ACBD6: variants seen among roughly 807,000 people sequenced by gnomAD.
ACBD6 encodes acyl-CoA binding domain containing 6, also known as acyl-CoA-binding domain-containing protein 6.
Under a neutral mutation model 37.2 loss-of-function variants are expected in ACBD6, and 28 were observed. The ratio of observed to expected loss-of-function variants is 0.75; its 90% CI spans 0.56 to 1.03. The LOEUF (loss-of-function observed/expected upper bound fraction) is 1.03. Among genes scored for constraint, ACBD6 ranks in the 50% least tolerant of loss-of-function variants. ACBD6 has a pLI of 0.00. For missense variants in ACBD6, 340 were observed against 337.4 expected (o/e 1.01, Z -0.06); for synonymous variants, 113 against 126.8 (o/e 0.89, Z 0.73).
chr1:180,305,695 A>G (rs372847677), intron 7 of ACBD6, among the ~76,000 whole-genome samples: 1 of 152,140 alleles, frequency 6.6e-6, no homozygotes, highest in Non-Finnish European at 1.5e-5. Flanking sequence ...TCAGTGTGGC[A>G]ATTCCTCAGG....
At chr1:180,416,499 TTG>T (rs1648101377) in intron 4 of ACBD6, among the ~76,000 whole-genome samples, 1 of 152,216 alleles carries the variant, frequency 6.6e-6, no homozygotes, top group Non-Finnish European at 1.5e-5. Flanking sequence ...TTCCCTCTCT[TTG>T]TGAATCTCAA....
At chr1:180,382,462 G>C (rs1653693442) in intron 6 of ACBD6, among the ~76,000 whole-genome samples, 1 of 152,172 alleles carries the variant, frequency 6.6e-6, no homozygotes, top group Non-Finnish European at 1.5e-5. Flanking sequence ...TAGAGAAAAT[G>C]GGTAACTTCC....
chr1:180,375,051 C>T (rs576859258), intron 6 of ACBD6, among the ~76,000 whole-genome samples: 47 of 152,152 alleles, frequency 3.1e-4, no homozygotes, highest in Non-Finnish European at 5.1e-4. Flanking sequence ...AAATTCAATG[C>T]AATCCCAATA....
At chr1:180,484,871 C>T (rs1002569083) in intron 3 of ACBD6, among the ~76,000 whole-genome samples, 6 of 151,922 alleles carry the variant, frequency 3.9e-5, no homozygotes, top group Non-Finnish European at 7.4e-5. Context: ...CAAGACCAGC[C>T]TGGCCAACAT....
chr1:180,435,832 C>T (rs1649015655), intron 3 of ACBD6: 4 of 1,078,812 alleles, frequency 3.7e-6, no homozygotes, highest in African/African-American at 1.6e-5. Context: ...GTTTAGGATA[C>T]ACTCAGACCC....
At chr1:180,311,961 T>G (rs1467116617) in intron 7 of ACBD6, among the ~76,000 whole-genome samples, 1 of 152,234 alleles carries the variant, frequency 6.6e-6, no homozygotes, top group Admixed American at 6.5e-5. Context: ...ATGTTGGAAG[T>G]CAGTCTCTGC....
intron 6 of ACBD6, among the ~76,000 whole-genome samples, chr1:180,377,254 A>G (rs1231663432): frequency 6.6e-6 from 1 of 152,214 alleles, no homozygotes; most frequent in Non-Finnish European, 1.5e-5. Flanking sequence ...ATTCTATACA[A>G]ATACAGATAC....
exon 14 of ACBD6, chr1:180,269,754 G>A (rs1648523706): frequency 6.6e-6 from 1 of 152,222 alleles, no homozygotes; most frequent in Non-Finnish European, 1.5e-5. Flanking sequence ...ACACTCCCGT[G>A]TAGACTATAA....
chr1:180,276,864 C>CTGTT (rs1245452455), intron 9 of ACBD6: 1 of 80,630 alleles, frequency 1.2e-5, no homozygotes, highest in Non-Finnish European at 2.7e-5. Context: ...CTGTGTAGCA[C>CTGTT]TGTTTAAGAT....
intron 8 of ACBD6, among the ~76,000 whole-genome samples, chr1:180,282,872 T>C (rs1045483569): frequency 2.0e-5 from 3 of 152,046 alleles, no homozygotes; most frequent in East Asian, 1.9e-4. Flanking sequence ...TCTGTATCGG[T>C]AGTTAAAGGC....
intron 7 of ACBD6, among the ~76,000 whole-genome samples, chr1:180,311,886 T>C (rs889819039): frequency 1.3e-5 from 2 of 152,228 alleles, no homozygotes; most frequent in African/African-American, 4.8e-5. Flanking sequence ...TAAATGTCTG[T>C]AGTTCCAAAA....
intron 5 of ACBD6, among the ~76,000 whole-genome samples, chr1:180,407,358 T>A (rs535279936): frequency 3.3e-5 from 5 of 152,340 alleles, no homozygotes; most frequent in Admixed American, 2.0e-4. Flanking sequence ...CAGCACTACA[T>A]CAAAGTAACA....
At chr1:180,309,314 C>T (rs778800108) in intron 7 of ACBD6, among the ~76,000 whole-genome samples, 25 of 152,180 alleles carry the variant, frequency 1.6e-4, no homozygotes, top group Non-Finnish European at 8.8e-5. Context: ...AAAATCCCTA[C>T]CCTGTTGCTA....
chr1:180,345,185 A>G (rs1430357649), intron 6 of ACBD6, among the ~76,000 whole-genome samples: 1 of 152,226 alleles, frequency 6.6e-6, no homozygotes, highest in Non-Finnish European at 1.5e-5. Flanking sequence ...TACTGTTTCT[A>G]TAACACTATT....
rs760390546 is a variant in ACBD6 at position 180,492,317 on chromosome 1, C to G, written c.336G>C (p.Gln112His). The G allele has an allele frequency of 6.2e-7, 1 of 1,614,020 alleles. No homozygotes were observed. Among genetic ancestry groups the G allele is most frequent in the African/African-American group, 1.3e-5 (1 of 74,988 alleles). Residue 112 changes from glutamine to histidine, a missense_variant, in exon 3 of 8, where the codon CAG (glutamine) becomes CAC (histidine). Coordinates refer to ENST00000367595, the MANE Select transcript of ACBD6 (RefSeq NM_032360.4). ...LGDSSPSQAM[Q>H]EYIAVVKKLD... ...GTTTTTTAACTACTGCGATATATTC[C>G]TGCATTGCTTGGCTGGGGCTTGAAT...
At chr1:180,457,025 C>T (rs60439251) in intron 3 of ACBD6, among the ~76,000 whole-genome samples, 6,555 of 152,096 alleles carry the variant, frequency 0.043, 449 homozygotes, top group African/African-American at 0.14. Context: ...AACCTAGAAA[C>T]CGTAGAAAGA....
At chr1:180,406,736 T>C (rs932781575) in intron 5 of ACBD6, among the ~76,000 whole-genome samples, 23 of 152,158 alleles carry the variant, frequency 1.5e-4, no homozygotes, top group Admixed American at 4.6e-4. Context: ...CTTTTAGTCA[T>C]AAAATTAGGT....
At chr1:180,466,777 T>C (rs1650363229) in intron 3 of ACBD6, among the ~76,000 whole-genome samples, 1 of 152,124 alleles carries the variant, frequency 6.6e-6, no homozygotes. Flanking sequence ...TTTTCTTTCT[T>C]AAAGTTTTCT....
chr1:180,481,138 G>A (rs570060526), intron 3 of ACBD6, among the ~76,000 whole-genome samples: 1 of 152,186 alleles, frequency 6.6e-6, no homozygotes, highest in South Asian at 2.1e-4. Context: ...TTTAAATAGG[G>A]CATGCACTTC....
Sources: allele counts gnomAD v4.1 joint callset (sites outside exome capture counted in the v4.1 genomes callset), GRCh38; gene constraint gnomAD v4.1.1; transcripts MANE v1.5; gene names NCBI Gene and HGNC (gene_info 2026-07-23, HGNC 2026-07-21).